The following DIRAS1 variants were observed in gnomAD, a reference collection of about 807,000 sequenced individuals.
The protein encoded by DIRAS1 is DIRAS family GTPase 1, also known as GTP-binding protein Di-Ras1.
A neutral mutation model predicts 11.5 loss-of-function variants in DIRAS1; 3 were observed. The ratio of observed to expected loss-of-function variants is 0.26; its 90% CI spans 0.12 to 0.67. The LOEUF (loss-of-function observed/expected upper bound fraction) is 0.67, where lower values mean the gene tolerates loss of function less well. DIRAS1 is among the 30% of genes least tolerant of loss of function. The pLI is 0.80. For synonymous variants in DIRAS1, 128 were observed against 125.8 expected, an observed-to-expected ratio of 1.02 and a Z score of -0.12; for missense variants, 212 against 285.3, an observed-to-expected ratio of 0.74 and a Z score of 1.85.
chr19:2,721,129 C>G (rs1185582886), intron 1 of DIRAS1, among the ~76,000 whole-genome samples, 175 bp downstream of exon 1: 1 of 139,716 alleles, frequency 7.2e-6, no homozygotes, highest in Non-Finnish European at 1.5e-5. Flanking sequence ...AGGGGCCGGC[C>G]GGGCCCGGCG....
rs951489087 is a variant in DIRAS1, at chr19:2,718,357, C to T, written c.-69-482G>A. On this transcript the variant is annotated intron_variant, in intron 1 of 1. Transcript: ENST00000323469. The surrounding 1 kb of genome is among the most constrained non-coding windows in gnomAD (Gnocchi z 4.2). ...TGGCTCAAACGGTGCCCGTCTCCAA[C>T]AACCATGGGTCCCCTGCTCTTCCGC... Among the ~76,000 whole-genome samples, 1 of 152,196 alleles carries T rather than the reference C, an allele frequency of 6.6e-6. No individual in the cohort carries two copies. Among genetic ancestry groups the T allele is most frequent in the South Asian group, 2.1e-4 (1 of 4,824 alleles).
At position 2,717,782 on chromosome 19, in the gene DIRAS1, G is replaced by C; in HGVS notation, c.25C>G (p.Arg9Gly). 4.4e-6 allele frequency: 7 copies of C among 1,600,894 alleles called. No individual in the cohort carries two copies. Among genetic ancestry groups the C allele is most frequent in the Non-Finnish European group, 5.9e-6 (7 of 1,179,662 alleles). MPEQSNDY[R>G]VVVFGAGGVG... is the part of the protein sequence containing the mutation. ...CCGCCCGCCCCGAACACCACCACGC[G>C]GTAATCGTTACTCTGTTCCGGCATC... is the stretch of plus-strand genomic sequence containing the variant. The change falls in exon 2 of 2, where the codon CGC (arginine) becomes GGC (glycine). Residue 9 changes from arginine to glycine, a missense_variant. Physicochemically the swap from Arg to Gly is moderately radical, Grantham distance 125 (BLOSUM62 -2). Transcript: ENST00000323469.
Position 2,717,066 on chromosome 19 carries a change from AG to A in DIRAS1, c.*143del, listed in dbSNP as rs1555707239. On this transcript the variant is annotated 3_prime_UTR_variant, in exon 2 of 2. Transcript: ENST00000323469. ...GCCTCGGGGTGGGCAGGGGCAGCGG[AG>A]GGGGGGGCGGTGGCCTCGGTTTCCC... The A allele has an allele frequency of 6.5e-5, 49 of 755,056 alleles. No individual in the cohort carries two copies. The highest frequency in any genetic ancestry group is 1.1e-4 in the African/African-American group (4 of 34,910). 46.8% of individuals were successfully genotyped at this position (755,056 alleles called of 1,614,324 possible). A position where few individuals can be genotyped will look rare whatever the true frequency, so the allele number is the denominator to read the frequency against.
rs769887480 is a variant in DIRAS1, at chr19:2,717,169, G to A, written c.*41C>T. 3 of 1,532,176 alleles carry A rather than the reference G, an allele frequency of 2.0e-6. No individual in the cohort carries two copies. Among genetic ancestry groups the A allele is most frequent in the South Asian group, 2.5e-5 (2 of 81,550 alleles). The allele number at this position is 1,532,176 out of a possible 1,614,324, so 94.9% of individuals were successfully genotyped here. ...TGTCGGTGTTGGGGGAGGCAGCGGG[G>A]GTCAGTGGGGGTGGGCGGCGGGCAG... On this transcript the variant is annotated 3_prime_UTR_variant, in exon 2 of 2. Coordinates refer to ENST00000323469, the MANE Select transcript of DIRAS1 (RefSeq NM_145173.4).
chr19:2,720,186 G>C (rs984349486), intron 1 of DIRAS1, among the ~76,000 whole-genome samples: 11 of 152,170 alleles, frequency 7.2e-5, no homozygotes, highest in African/African-American at 2.2e-4. Flanking sequence ...TCCTGGGTGG[G>C]CGCCCTGAGA....
Position 2,717,715 on chromosome 19 carries a change from G to A in DIRAS1, c.92C>T (p.Thr31Met), listed in dbSNP as rs768435117. The change falls in exon 2 of 2, where the codon ACG becomes ATG. Residue 31 changes from threonine (T) to methionine (M), a missense_variant. Thr to Met is a moderately conservative substitution (Grantham distance 81, BLOSUM62 -1). Coordinates refer to ENST00000323469, the MANE Select transcript of DIRAS1 (RefSeq NM_145173.4). ...SSLVLRFVKG[T>M]FRDTYIPTIE... ...GGTGGGGATGTAGGTGTCGCGGAAC[G>A]TGCCCTTCACGAAGCGCAGCACCAG... 2 of 1,608,970 alleles carry A rather than the reference G, an allele frequency of 1.2e-6. No individual in the cohort carries two copies. The highest frequency in any genetic ancestry group is 1.7e-6 in the Non-Finnish European group (2 of 1,180,000).
intron 1 of DIRAS1, among the ~76,000 whole-genome samples, chr19:2,721,061 G>C (rs1913942682): frequency 6.7e-6 from 1 of 149,928 alleles, no homozygotes; most frequent in Admixed American, 6.6e-5. Context: ...GCTCGGCAGG[G>C]GGGCGCCCTC....
rs377234568 is a variant in DIRAS1 at position 2,720,142 on chromosome 19, G to A, written c.-70+1162C>T. On this transcript the variant is annotated intron_variant, in intron 1 of 1. Coordinates refer to ENST00000323469, the MANE Select transcript of DIRAS1 (RefSeq NM_145173.4). ...AGGAGGCTGGGGGTGCTGGTGGTGG[G>A]GGGGAGGCGGCCTGTGCTGCAGACC... 1.8e-4 allele frequency among the ~76,000 whole-genome samples: 28 copies of A among 152,288 alleles called. No homozygotes were observed. In the East Asian group the frequency reaches 4.6e-3, roughly 25 times the overall value.
Position 2,716,984 on chromosome 19 carries a change from T to C in DIRAS1, c.*226A>G, listed in dbSNP as rs1913820692. On this transcript the variant is annotated 3_prime_UTR_variant, in exon 2 of 2. Coordinates refer to ENST00000323469, the MANE Select transcript of DIRAS1 (RefSeq NM_145173.4). ...ACCTCCGGCTCTTGGTTTTGGAGGG[T>C]ACAGACAGAACAGGAGGGTGGAGAG... 2 of 554,622 alleles carry C rather than the reference T, an allele frequency of 3.6e-6. No homozygotes were observed. The highest frequency in any genetic ancestry group is 1.9e-5 in the African/African-American group (1 of 51,732). The allele number at this position is 554,622 out of a possible 1,614,324, so 34.4% of individuals were successfully genotyped here.
rs1010588590 is a variant in DIRAS1, at chr19:2,715,810, A to T, written c.*1400T>A. On this transcript the variant is annotated 3_prime_UTR_variant, in exon 2 of 2. Transcript: ENST00000323469. ...ATCAGGACAAACATATTTACAGATA[A>T]ATGCTCTCAGATAAACCATATCACC... The T allele has an allele frequency of 1.3e-5, 2 of 152,188 alleles. No homozygotes were observed. The highest frequency in any genetic ancestry group is 2.4e-5 in the African/African-American group (1 of 41,432). The allele number at this position is 152,188 out of a possible 1,614,324, so 9.4% of individuals were successfully genotyped here. A position where few individuals can be genotyped will look rare whatever the true frequency, so the allele number is the denominator to read the frequency against.
intron 1 of DIRAS1, among the ~76,000 whole-genome samples, chr19:2,720,752 G>T (rs1913934147): frequency 6.6e-6 from 1 of 152,158 alleles, no homozygotes; most frequent in Non-Finnish European, 1.5e-5. Flanking sequence ...CCTGACCAAG[G>T]GTGGGGCGGG....
intron 1 of DIRAS1, among the ~76,000 whole-genome samples, chr19:2,720,515 C>G (rs925998666): frequency 3.9e-5 from 6 of 152,156 alleles, no homozygotes; most frequent in African/African-American, 1.4e-4. Flanking sequence ...AGGCGCACAG[C>G]GGGGCTGGAA....
At chr19:2,719,301 C>G (rs373368966) in intron 1 of DIRAS1, 1 of 152,186 alleles carries the variant, frequency 6.6e-6, no homozygotes, top group Non-Finnish European at 1.5e-5. Context: ...ACGGGAAAAT[C>G]GCCACTCCCT....
Position 2,718,559 on chromosome 19 carries a change from CT to C in DIRAS1, c.-69-685del, listed in dbSNP as rs1392510303. 6.6e-6 allele frequency among the ~76,000 whole-genome samples: 1 copy of C among 152,190 alleles called. No homozygotes were observed. The highest frequency in any genetic ancestry group is 2.4e-5 in the African/African-American group (1 of 41,438). On this transcript the variant is annotated intron_variant, in intron 1 of 1. Coordinates refer to ENST00000323469, the MANE Select transcript of DIRAS1 (RefSeq NM_145173.4). The surrounding 1 kb of genome is among the most constrained non-coding windows in gnomAD (Gnocchi z 4.2). ...ATTTATTTTTAGACAGAGTTTCGCT[CT>C]TGCTGCCCAGGCTGGAGTGCAATGG...
At position 2,716,153 on chromosome 19, in the gene DIRAS1, G is replaced by C. The variant is rs1353394505; in HGVS notation, c.*1057C>G. On this transcript the variant is annotated 3_prime_UTR_variant, in exon 2 of 2. Transcript: ENST00000323469. Reference sequence around the variant, plus strand: ...GGTCACACGAGTGTGGTGTCACTCAGACTCTCTCAAAAAACACCCAGAACC... The same window carrying C: ...GGTCACACGAGTGTGGTGTCACTCACACTCTCTCAAAAAACACCCAGAACC... 6.6e-6 allele frequency: 1 copy of C among 152,292 alleles called. No individual in the cohort carries two copies. The highest frequency in any genetic ancestry group is 1.5e-5 in the Non-Finnish European group (1 of 68,104). The allele number at this position is 152,292 out of a possible 1,614,324, so 9.4% of individuals were successfully genotyped here. A position where few individuals can be genotyped will look rare whatever the true frequency, so the allele number is the denominator to read the frequency against.
At chr19:2,719,259 T>G (rs1913897951) in intron 1 of DIRAS1, 2 of 152,198 alleles carry the variant, frequency 1.3e-5, no homozygotes, top group South Asian at 4.1e-4. Context: ...GCAGCCCAGG[T>G]GGGACACAAA....
chr19:2,719,401 C>T (rs1161677688), intron 1 of DIRAS1, among the ~76,000 whole-genome samples: 1 of 151,978 alleles, frequency 6.6e-6, no homozygotes, highest in African/African-American at 2.4e-5. Flanking sequence ...CTGGGAGGGG[C>T]ACCTCTTAGC....
chr19:2,719,909 G>T (rs757108589), intron 1 of DIRAS1, among the ~76,000 whole-genome samples: 16 of 152,196 alleles, frequency 1.1e-4, no homozygotes, highest in Non-Finnish European at 2.2e-4. Context: ...AGGGCACTTG[G>T]CTGTGCCTGT....
Position 2,717,273 on chromosome 19 carries a change from G to T in DIRAS1, c.534C>A (p.Asp178Glu), listed in dbSNP as rs143766646. The change falls in exon 2 of 2, where the codon GAC (aspartate) becomes GAA (glutamate). Residue 178 changes from aspartate (D) to glutamate (E), a missense_variant. Asp to Glu is a conservative substitution (Grantham distance 45). Coordinates refer to ENST00000323469, the MANE Select transcript of DIRAS1 (RefSeq NM_145173.4). ...TCTTCTGCTTCCCGGAGCGCTTGCC[G>T]TCGATGTTGAGGCTCATGTTCCGGC... ...ETRRNMSLNI[D>E]GKRSGKQKRT... is the part of the protein sequence containing the mutation. 5 of 1,611,352 alleles carry T rather than the reference G, an allele frequency of 3.1e-6. No homozygotes were observed. In the South Asian group the frequency reaches 3.3e-5, roughly 11 times the overall value.
Sources: allele counts gnomAD v4.1 joint callset (sites outside exome capture counted in the v4.1 genomes callset), GRCh38; gene constraint gnomAD v4.1.1; non-coding constraint Gnocchi (gnomAD v3.1); transcripts MANE v1.5; gene names NCBI Gene and HGNC (gene_info 2026-07-23, HGNC 2026-07-21).